GRIA1: variants seen among roughly 807,000 people sequenced by gnomAD.
The protein encoded by GRIA1 is glutamate ionotropic receptor AMPA type subunit 1.
Under a neutral mutation model 99.2 loss-of-function variants are expected in GRIA1, and 31 were observed. That is an observed-to-expected ratio of 0.31 (90% CI 0.23 to 0.42). The LOEUF is 0.42. Ranked by LOEUF, GRIA1 falls within the 10% of genes least tolerant of loss-of-function variation. The pLI, the probability that GRIA1 is intolerant of heterozygous loss-of-function variation, is 1.00. For synonymous variants in GRIA1, 438 were observed against 432.4 expected (o/e 1.01, Z -0.16); for missense variants, 782 against 1,157.5 (o/e 0.68, Z 4.71).
intron 11 of GRIA1, among the ~76,000 whole-genome samples, chr5:153,732,670 A>G (rs979263854): frequency 9.1e-4 from 16 of 17,558 alleles, no homozygotes; most frequent in Non-Finnish European, 1.3e-3. Context: ...CTCCAATTCC[A>G]TAATTGCCTT....
At chr5:153,637,640 C>T (rs1440771501) in intron 2 of GRIA1, among the ~76,000 whole-genome samples, 12 of 152,074 alleles carry the variant, frequency 7.9e-5, no homozygotes, top group Admixed American at 5.9e-4. Flanking sequence ...TGGGGAGAAA[C>T]GGCTGAGGAG....
chr5:153,716,621 T>C (rs951439099), intron 11 of GRIA1, among the ~76,000 whole-genome samples: 3 of 151,546 alleles, frequency 2.0e-5, no homozygotes, highest in Non-Finnish European at 2.9e-5. Flanking sequence ...GTGAGGGAGA[T>C]GGTGAGACAG....
intron 11 of GRIA1, among the ~76,000 whole-genome samples, chr5:153,737,840 C>T (rs920436936): frequency 6.6e-6 from 1 of 152,176 alleles, no homozygotes; most frequent in Admixed American, 6.5e-5. Flanking sequence ...TGCAGCTGCT[C>T]CCCAGTCAAC....
intron 2 of GRIA1, among the ~76,000 whole-genome samples, chr5:153,548,542 T>A (rs934980255): frequency 6.6e-6 from 1 of 152,148 alleles, no homozygotes; most frequent in Non-Finnish European, 1.5e-5. Flanking sequence ...GATACAGAAA[T>A]ATTTCAATCA....
chr5:153,551,334 G>T (rs761333371), intron 2 of GRIA1, among the ~76,000 whole-genome samples: 1 of 137,550 alleles, frequency 7.3e-6, no homozygotes, highest in African/African-American at 2.5e-5. Context: ...GAATAAAATC[G>T]GATCTTTTTA....
intron 2 of GRIA1, among the ~76,000 whole-genome samples, chr5:153,600,246 G>A (rs549732382): frequency 2.6e-5 from 4 of 151,866 alleles, no homozygotes; most frequent in Non-Finnish European, 4.4e-5. Context: ...AAAAAAACTA[G>A]CTGGGCGTGG....
intron 7 of GRIA1, among the ~76,000 whole-genome samples, chr5:153,684,787 A>T (rs536474370): frequency 1.4e-4 from 22 of 152,302 alleles, no homozygotes; most frequent in Non-Finnish European, 2.5e-4. Flanking sequence ...CTCTCTGAAA[A>T]GCAAAGATAG....
At chr5:153,721,019 A>G (rs554699976) in intron 11 of GRIA1, among the ~76,000 whole-genome samples, 30 of 152,346 alleles carry the variant, frequency 2.0e-4, no homozygotes, top group African/African-American at 7.2e-4. Flanking sequence ...GTAGAAGGTC[A>G]GTCCTCATCT....
At chr5:153,695,686 T>A (rs1005930736) in intron 8 of GRIA1, among the ~76,000 whole-genome samples, 2 of 152,226 alleles carry the variant, frequency 1.3e-5, no homozygotes, top group Non-Finnish European at 2.9e-5. Context: ...AGTTTCTGGT[T>A]CTTCTGTCAT....
intron 3 of GRIA1, among the ~76,000 whole-genome samples, chr5:153,648,977 A>T (rs1400747768): frequency 6.6e-6 from 1 of 152,160 alleles, no homozygotes; most frequent in Non-Finnish European, 1.5e-5. Flanking sequence ...ATCCTGGATT[A>T]TGTTGGGGGG....
intron 11 of GRIA1, among the ~76,000 whole-genome samples, chr5:153,716,530 C>A (rs1759678100): frequency 6.6e-6 from 1 of 151,948 alleles, no homozygotes; most frequent in Non-Finnish European, 1.5e-5. Context: ...TCTTTAAGAG[C>A]CATCTCCTGA....
intron 2 of GRIA1, among the ~76,000 whole-genome samples, chr5:153,622,809 C>A (rs1371852731): frequency 6.6e-6 from 1 of 152,136 alleles, no homozygotes; most frequent in Non-Finnish European, 1.5e-5. Context: ...AGAAAAAAAT[C>A]TCTTTCCTCA....
chr5:153,706,306 G>A (rs1477220970), intron 11 of GRIA1: 1 of 532,254 alleles, frequency 1.9e-6, no homozygotes, highest in East Asian at 3.3e-5. Context: ...AGGTTAATAG[G>A]CATAATTATG....
At chr5:153,766,567 T>A (rs1365276097) in intron 12 of GRIA1, among the ~76,000 whole-genome samples, 2 of 152,192 alleles carry the variant, frequency 1.3e-5, no homozygotes, top group Non-Finnish European at 2.9e-5. Context: ...CTTGGGAAAT[T>A]CTTTTGATGC....
chr5:153,490,811 A>G lies in GRIA1; in HGVS notation c.-78A>G, dbSNP rs1753842225. The G allele has an allele frequency of 9.8e-7, 1 of 1,022,348 alleles. No individual in the cohort carries two copies. Among genetic ancestry groups the G allele is most frequent in the African/African-American group, 1.6e-5 (1 of 63,904 alleles). The allele number at this position is 1,022,348 out of a possible 1,614,324, so 63.3% of individuals were successfully genotyped here. ...GGAAAAGAACAGGCAGAACAGCGAGAAGAATAAAGGGAAAGGGGGGGAAAC... is the reference window on the plus strand; with the variant it reads ...GGAAAAGAACAGGCAGAACAGCGAGGAGAATAAAGGGAAAGGGGGGGAAAC... On this transcript the variant is annotated 5_prime_UTR_variant, in exon 1 of 16. Coordinates refer to ENST00000285900, the MANE Select transcript of GRIA1 (RefSeq NM_000827.4).
At chr5:153,563,905 G>A (rs1761385788) in intron 2 of GRIA1, among the ~76,000 whole-genome samples, 3 of 152,210 alleles carry the variant, frequency 2.0e-5, no homozygotes, top group South Asian at 2.1e-4. Context: ...GACATGAAAT[G>A]TTAAATAATA....
intron 11 of GRIA1, among the ~76,000 whole-genome samples, chr5:153,739,589 G>T (rs1323089328): frequency 1.3e-5 from 2 of 152,170 alleles, no homozygotes; most frequent in Non-Finnish European, 2.9e-5. Context: ...AATAATACAG[G>T]CTTTTTCATA....
At chr5:153,619,696 A>T (rs78533647) in intron 2 of GRIA1, among the ~76,000 whole-genome samples, 16 of 142,638 alleles carry the variant, frequency 1.1e-4, no homozygotes, top group Admixed American at 1.3e-4. Flanking sequence ...AAATTATTTT[A>T]AAAAAAAGAG....
At position 153,650,352 on chromosome 5, in the gene GRIA1, C is replaced by T; in HGVS notation, c.483C>T (p.Val161=). Residue 161 remains valine, a synonymous_variant, in exon 4 of 16, where the codon GTC becomes GTT. Coordinates refer to ENST00000285900, the MANE Select transcript of GRIA1 (RefSeq NM_000827.4). Reference sequence around the variant, plus strand: ...TAGGCTTATCCGTCCTGCAGAAAGTCCTGGATACAGCTGCTGAGAAGAACT... The same window carrying T: ...TAGGCTTATCCGTCCTGCAGAAAGTTCTGGATACAGCTGCTGAGAAGAACT... ...ADRGLSVLQK[V]LDTAAEKNWQ... is the part of the protein sequence containing the mutation. The T allele has an allele frequency of 1.2e-6, 2 of 1,613,902 alleles. No homozygotes were observed. Among genetic ancestry groups the T allele is most frequent in the Non-Finnish European group, 1.7e-6 (2 of 1,179,882 alleles).
Sources: allele counts gnomAD v4.1 joint callset (sites outside exome capture counted in the v4.1 genomes callset), GRCh38; gene constraint gnomAD v4.1.1; transcripts MANE v1.5; gene names NCBI Gene and HGNC (gene_info 2026-07-23, HGNC 2026-07-21).